The following UNC13C variants were observed in gnomAD, a reference collection of about 807,000 sequenced individuals.
The protein encoded by UNC13C is unc-13 homolog C, also known as protein unc-13 homolog C.
In UNC13C, 174 loss-of-function variants were observed where a neutral mutation model predicts 245.4. The ratio of observed to expected loss-of-function variants is 0.71; its 90% CI spans 0.63 to 0.80. The LOEUF is 0.80. Among genes scored for constraint, UNC13C ranks in the 30% least tolerant of loss-of-function variants. The pLI is 0.00. For synonymous variants in UNC13C, 992 were observed against 895.1 expected (o/e 1.11, Z -1.93); for missense variants, 2,829 against 2,602.9 (o/e 1.09, Z -1.89).
intron 17 of UNC13C, among the ~76,000 whole-genome samples, chr15:54,378,138 C>T (rs1403706805): frequency 6.6e-6 from 1 of 152,094 alleles, no homozygotes; most frequent in Admixed American, 6.5e-5. Context: ...CTAAAATCTT[C>T]TCTGTTGAAC....
At chr15:54,591,603 T>C (rs907364153) in intron 30 of UNC13C, among the ~76,000 whole-genome samples, 1 of 152,182 alleles carries the variant, frequency 6.6e-6, no homozygotes. Context: ...CCTTGAATGA[T>C]CTTTTGTACT....
intron 2 of UNC13C, among the ~76,000 whole-genome samples, chr15:54,054,606 C>A (rs566349129): frequency 9.9e-5 from 15 of 151,932 alleles, no homozygotes; most frequent in South Asian, 2.1e-4. Context: ...GGAATGTGAC[C>A]CAAATTTGAA....
At chr15:54,619,224 T>G (rs1900644618) in intron 30 of UNC13C, among the ~76,000 whole-genome samples, 1 of 151,872 alleles carries the variant, frequency 6.6e-6, no homozygotes, top group Admixed American at 6.6e-5. Flanking sequence ...TATCTGTATC[T>G]TTCTCCTCAC....
intron 17 of UNC13C, among the ~76,000 whole-genome samples, chr15:54,341,659 C>A (rs1333426060): frequency 6.6e-6 from 1 of 152,076 alleles, no homozygotes; most frequent in Non-Finnish European, 1.5e-5. Context: ...TACCTATAAC[C>A]ATGTTAACAT....
intron 19 of UNC13C, among the ~76,000 whole-genome samples, chr15:54,455,164 C>CCTCTCTCTCT (rs1203605020): frequency 2.3e-3 from 40 of 17,514 alleles, no homozygotes; most frequent in African/African-American, 3.5e-3. Context: ...GAGTCATATT[C>CCTCTCTCTCT]CTCTCTCTCT....
intron 19 of UNC13C, among the ~76,000 whole-genome samples, chr15:54,448,955 T>G (rs548958138): frequency 6.6e-6 from 1 of 152,212 alleles, no homozygotes; most frequent in Non-Finnish European, 1.5e-5. Context: ...CAGGAGCTCT[T>G]GCAGGGCAGG....
chr15:53,868,062 T>C, the UNC13C span, among the ~76,000 whole-genome samples: 1 of 152,212 alleles, frequency 6.6e-6, no homozygotes, highest in Non-Finnish European at 1.5e-5. Context: ...CTTGAATTCC[T>C]GGGCTCAAGC....
intron 30 of UNC13C, among the ~76,000 whole-genome samples, chr15:54,582,043 G>A (rs1898224573): frequency 6.6e-6 from 1 of 151,652 alleles, no homozygotes; most frequent in South Asian, 2.1e-4. Context: ...GAAAGGAGGA[G>A]AGAAGGAAAG....
chr15:54,409,016 C>T (rs2040364404), intron 18 of UNC13C, among the ~76,000 whole-genome samples: 1 of 152,004 alleles, frequency 6.6e-6, no homozygotes, highest in Non-Finnish European at 1.5e-5. Context: ...AGGGACAACA[C>T]AGATATTGGT....
At chr15:54,294,186 T>G in intron 11 of UNC13C, 122 bp downstream of exon 11, 1 of 820,426 alleles carries the variant, frequency 1.2e-6, no homozygotes, top group Non-Finnish European at 1.7e-6. Context: ...TCTGTTGAAC[T>G]TTAGATGATT....
chr15:54,454,055 A>G (rs1056674728), intron 19 of UNC13C, among the ~76,000 whole-genome samples: 1 of 152,022 alleles, frequency 6.6e-6, no homozygotes, highest in African/African-American at 2.4e-5. Context: ...CACTCAGCAT[A>G]ATGTTTTCAA....
At chr15:54,593,707 A>G (rs1898921983) in intron 30 of UNC13C, among the ~76,000 whole-genome samples, 1 of 151,880 alleles carries the variant, frequency 6.6e-6, no homozygotes, top group Non-Finnish European at 1.5e-5. Context: ...TGAGATGTCT[A>G]TTTCCTTTAA....
chr15:53,864,965 C>T, the UNC13C span, among the ~76,000 whole-genome samples: 121 of 152,166 alleles, frequency 8.0e-4, 2 homozygotes, highest in East Asian at 0.021. Context: ...TCAGAAGTCC[C>T]GAATTCTTAG....
intron 6 of UNC13C, among the ~76,000 whole-genome samples, chr15:54,237,165 C>T (rs919035446): frequency 4.6e-5 from 7 of 152,074 alleles, no homozygotes; most frequent in Non-Finnish European, 7.4e-5. Flanking sequence ...GAAGAATATT[C>T]TAGGGAACTA....
Position 54,622,359 on chromosome 15 carries a change from T to C in UNC13C, c.6139T>C (p.Ser2047Pro). 1 of 1,613,372 alleles carries C rather than the reference T, an allele frequency of 6.2e-7. No individual in the cohort carries two copies. Among genetic ancestry groups the C allele is most frequent in the South Asian group, 1.1e-5 (1 of 91,068 alleles). The change falls in exon 31 of 33, where the codon TCT (serine) becomes CCT (proline). Residue 2047 changes from serine (S) to proline (P), a missense_variant. Physicochemically the swap from Ser to Pro is moderately conservative, Grantham distance 74. Coordinates refer to ENST00000260323, the MANE Select transcript of UNC13C (RefSeq NM_001080534.3). Reference protein sequence around the residue: ...RSSKDAVGQISVHVDITATPG... With the variant: ...RSSKDAVGQIPVHVDITATPG... ...CTCCAAAGATGCCGTGGGTCAGATA[T>C]CTGTTCATGTGGACATCACTGCCAC... is the stretch of plus-strand genomic sequence containing the variant.
At chr15:54,018,131 A>C (rs1226391638) in intron 2 of UNC13C, among the ~76,000 whole-genome samples, 1 of 152,172 alleles carries the variant, frequency 6.6e-6, no homozygotes, top group African/African-American at 2.4e-5. Flanking sequence ...CAGCCAAAGA[A>C]GGACATTTTC....
chr15:54,034,040 A>G lies in UNC13C; in HGVS notation c.2983+18154A>G, dbSNP rs934140206. Among the ~76,000 whole-genome samples, 2 of 152,348 alleles carry G rather than the reference A, an allele frequency of 1.3e-5. 1 individual carries two copies. Among genetic ancestry groups the G allele is most frequent in the South Asian group, 4.1e-4 (2 of 4,834 alleles). ...AATAGTGCTAGCGATTTCTCTGGCC[A>G]ATCCATTCTGCGAGCTTTTGTTCCA... On this transcript the variant is annotated intron_variant, in intron 2 of 32. Coordinates refer to ENST00000260323, the MANE Select transcript of UNC13C (RefSeq NM_001080534.3).
At chr15:54,600,450 C>G (rs1030068277) in intron 30 of UNC13C, among the ~76,000 whole-genome samples, 1 of 152,016 alleles carries the variant, frequency 6.6e-6, no homozygotes, top group African/African-American at 2.4e-5. Flanking sequence ...GCCAGATAAG[C>G]TGGAGCAGAA....
intron 2 of UNC13C, among the ~76,000 whole-genome samples, chr15:54,017,047 A>G (rs1398392645): frequency 6.6e-6 from 1 of 152,216 alleles, no homozygotes; most frequent in Non-Finnish European, 1.5e-5. Flanking sequence ...ATTATTGAAT[A>G]ATCAGAAATC....
Sources: gnomAD v4.1 joint callset for allele counts (sites outside exome capture counted in the v4.1 genomes callset) on GRCh38, gnomAD v4.1.1 for gene constraint, MANE v1.5 for transcripts, NCBI Gene and HGNC (gene_info 2026-07-23, HGNC 2026-07-21) for gene names.